CLCN1: variants seen among roughly 807,000 people sequenced by gnomAD.
The protein encoded by CLCN1 is chloride voltage-gated channel 1, also known as chloride channel protein 1.
Under a neutral mutation model 114.5 loss-of-function variants are expected in CLCN1, and 100 were observed. The ratio of observed to expected loss-of-function variants is 0.87; its 90% CI spans 0.74 to 1.03. The LOEUF (loss-of-function observed/expected upper bound fraction) is 1.03. Ranked by LOEUF, CLCN1 falls within the 50% of genes least tolerant of loss-of-function variation. The pLI is 0.00. For synonymous variants in CLCN1, 485 were observed against 487.1 expected (o/e 1.00, Z 0.06); for missense variants, 1,188 against 1,250.0 (o/e 0.95, Z 0.75).
rs1487003752 is a variant in CLCN1, at chr7:143,346,914, T to A, written c.2368T>A (p.Ser790Thr). The A allele has an allele frequency of 1.2e-6, 2 of 1,613,744 alleles. No individual in the cohort carries two copies. The highest frequency in any genetic ancestry group is 8.5e-7 in the Non-Finnish European group (1 of 1,179,658). ...GACCTATGTCTTTCTTCTCTAGGAT[T>A]CCACAGATTTAGTGGATAACATGTC... ...RPTKKKTTQD[S>T]TDLVDNMSPE... Residue 790 changes from serine (S) to threonine (T), a missense_variant, in exon 20 of 23, where the codon TCC (serine) becomes ACC (threonine). Ser to Thr is a moderately conservative substitution (Grantham distance 58). Coordinates refer to ENST00000343257, the MANE Select transcript of CLCN1 (RefSeq NM_000083.3).
intron 16 of CLCN1, among the ~76,000 whole-genome samples, chr7:143,343,005 A>T (rs1055722517): frequency 6.6e-6 from 1 of 152,194 alleles, no homozygotes; most frequent in Admixed American, 6.6e-5. Flanking sequence ...TTAAGTATGA[A>T]GTTCAAATAC....
intron 12 of CLCN1, among the ~76,000 whole-genome samples, chr7:143,333,089 A>G (rs1044107923): frequency 6.6e-6 from 1 of 152,176 alleles, no homozygotes; most frequent in African/African-American, 2.4e-5. Flanking sequence ...ACTTGATGCC[A>G]GGAGTTGGAG....
chr7:143,328,245 G>A (rs949554203), intron 7 of CLCN1, among the ~76,000 whole-genome samples: 9 of 151,840 alleles, frequency 5.9e-5, no homozygotes, highest in African/African-American at 2.2e-4. Context: ...GTTGTGGCAT[G>A]AGCATACATG....
At chr7:143,317,991 G>C (rs779151465) in intron 1 of CLCN1, among the ~76,000 whole-genome samples, 14 of 152,104 alleles carry the variant, frequency 9.2e-5, no homozygotes, top group Non-Finnish European at 1.9e-4. Flanking sequence ...TGGTTAGTTT[G>C]GGGAGTAGAA....
In CLCN1 at chr7:143,324,533, G is replaced by C. The variant is rs759792663; in HGVS notation, c.853+41G>C. On this transcript the variant is annotated intron_variant, in intron 7 of 22. Coordinates refer to ENST00000343257, the MANE Select transcript of CLCN1 (RefSeq NM_000083.3). The surrounding 1 kb of genome is among the most constrained non-coding windows in gnomAD (Gnocchi z 4.6). ...CCTCCCCCATCAATCGGCTTGCCTG[G>C]CCTGGCTCCCAAAACAGTTTTAATC... The C allele has an allele frequency of 1.3e-6, 2 of 1,488,144 alleles. No homozygotes were observed. Among genetic ancestry groups the C allele is most frequent in the Admixed American group, 3.3e-5 (2 of 59,792 alleles). The allele number at this position is 1,488,144 out of a possible 1,614,324, so 92.2% of individuals were successfully genotyped here.
Position 143,342,161 on chromosome 7 carries a change from A to C in CLCN1, c.1796+19A>C. On this transcript the variant is annotated intron_variant, in intron 15 of 22. Transcript: ENST00000343257. ...AGCTCAGGTCAGGGGCACTAGACGG[A>C]ATTAGTTCAGATCTGATGGGGAGAG... The C allele has an allele frequency of 1.9e-6, 3 of 1,609,942 alleles. No individual in the cohort carries two copies. Among genetic ancestry groups the C allele is most frequent in the Non-Finnish European group, 2.6e-6 (3 of 1,176,438 alleles).
chr7:143,328,804 C>T (rs1175280389), intron 7 of CLCN1, among the ~76,000 whole-genome samples: 3 of 152,048 alleles, frequency 2.0e-5, no homozygotes, highest in Non-Finnish European at 2.9e-5. Flanking sequence ...CCCCACATTG[C>T]CCATTGCCTT....
chr7:143,346,530 G>T (rs200244887), intron 18 of CLCN1, 49 bp from the exon 19 acceptor site: 1 of 1,465,962 alleles, frequency 6.8e-7, no homozygotes, highest in Admixed American at 1.7e-5. Context: ...GCCCCTGGCC[G>T]TTTCCTGTTG....
rs149557003 is a variant in CLCN1, at chr7:143,351,147, C to T, written c.2596-447C>T. The stretch of plus-strand genomic sequence containing the variant: ...CAGCCAGCTGAGGTAGAGGAGACTA[C>T]GAAGCCTGTTATGGCCACAGCCCTG... On this transcript the variant is annotated intron_variant, in intron 22 of 22. Transcript: ENST00000343257. 2.3e-3 allele frequency among the ~76,000 whole-genome samples: 347 copies of T among 152,254 alleles called. 2 individuals are homozygous for T. The highest frequency in any genetic ancestry group is 7.9e-3 in the African/African-American group (329 of 41,540).
chr7:143,350,718 G>T lies in CLCN1; in HGVS notation c.2595+64G>T. 1 of 1,153,750 alleles carries T rather than the reference G, an allele frequency of 8.7e-7. No individual in the cohort carries two copies. Among genetic ancestry groups the T allele is most frequent in the East Asian group, 2.3e-5 (1 of 42,692 alleles). 71.5% of individuals were successfully genotyped at this position (1,153,750 alleles called of 1,614,324 possible). A position where few individuals can be genotyped will look rare whatever the true frequency, so the allele number is the denominator to read the frequency against. On this transcript the variant is annotated intron_variant, in intron 22 of 22. Coordinates refer to ENST00000343257, the MANE Select transcript of CLCN1 (RefSeq NM_000083.3). The surrounding 1 kb of genome is among the most constrained non-coding windows in gnomAD (Gnocchi z 5.1). The stretch of plus-strand genomic sequence containing the variant: ...GCTGGGCATAGGATAAGGGGATGCA[G>T]TGGGGACAGAAGGAATATTAGCATC...
chr7:143,321,417 G>T lies in CLCN1; in HGVS notation c.486G>T (p.Leu162=). The T allele has an allele frequency of 6.2e-7, 1 of 1,614,188 alleles. No individual in the cohort carries two copies. The highest frequency in any genetic ancestry group is 8.5e-7 in the Non-Finnish European group (1 of 1,180,042). The stretch of plus-strand genomic sequence containing the variant: ...AGCCCAGCCTTCCTCTGCAGTTCCT[G>T]GTCTGGGTCACCTTCCCACTAGTCC... ...QMQPSLPLQF[L]VWVTFPLVLI... is the part of the protein sequence containing the mutation. The change falls in exon 4 of 23, where the codon CTG becomes CTT. Residue 162 remains leucine (L), a synonymous_variant. Transcript: ENST00000343257. This position sits in a 1 kb window ranked among gnomAD's most constrained non-coding sequence, Gnocchi z 4.2.
Position 143,316,204 on chromosome 7 carries a change from G to C in CLCN1, c.-9G>C, listed in dbSNP as rs767653054. ...GCCAAGGCCTGGCCGGGGCTCGGGGGGAGGGAATATGGAGCAATCCCGGTC... is the reference window on the plus strand; with the variant it reads ...GCCAAGGCCTGGCCGGGGCTCGGGGCGAGGGAATATGGAGCAATCCCGGTC... On this transcript the variant is annotated 5_prime_UTR_variant, in exon 1 of 23. Coordinates refer to ENST00000343257, the MANE Select transcript of CLCN1 (RefSeq NM_000083.3). 81 of 1,610,118 alleles carry C rather than the reference G, an allele frequency of 5.0e-5. No individual in the cohort carries two copies. In the African/African-American group the frequency reaches 1.0e-3, roughly 20 times the overall value.
intron 1 of CLCN1, among the ~76,000 whole-genome samples, chr7:143,318,495 T>C (rs1210309957): frequency 6.6e-6 from 1 of 152,154 alleles, no homozygotes; most frequent in Non-Finnish European, 1.5e-5. Flanking sequence ...AGTGCTGGGG[T>C]TACAGGGGTG....
intron 16 of CLCN1, among the ~76,000 whole-genome samples, chr7:143,344,023 A>G (rs554662102): frequency 1.6e-4 from 24 of 152,132 alleles, no homozygotes; most frequent in Non-Finnish European, 2.1e-4. Flanking sequence ...TATTTTTAGT[A>G]GAGACGGGGT....
Position 143,318,411 on chromosome 7 carries a change from C to A in CLCN1, c.181-1344C>A, listed in dbSNP as rs559972375. 5.9e-5 allele frequency among the ~76,000 whole-genome samples: 9 copies of A among 152,178 alleles called. No homozygotes were observed. In the South Asian group the frequency reaches 1.9e-3, roughly 32 times the overall value. ...CTAATTTTTGTATTTTTAGTAGAGACGAGGTTTCTCCATGTTGGTCAGGCT... is the reference window on the plus strand; with the variant it reads ...CTAATTTTTGTATTTTTAGTAGAGAAGAGGTTTCTCCATGTTGGTCAGGCT... On this transcript the variant is annotated intron_variant, in intron 1 of 22. Coordinates refer to ENST00000343257, the MANE Select transcript of CLCN1 (RefSeq NM_000083.3).
chr7:143,320,000 T>A, intron 2 of CLCN1, 125 bp downstream of exon 2: 1 of 1,010,728 alleles, frequency 9.9e-7, no homozygotes, highest in Non-Finnish European at 1.5e-6. Flanking sequence ...CCTCTAATTG[T>A]TTTTAAGAGA....
chr7:143,346,825 G>A, intron 19 of CLCN1, 86 bp from the exon 20 acceptor site: 1 of 1,366,832 alleles, frequency 7.3e-7, no homozygotes. Flanking sequence ...TCCTGGCCAG[G>A]GAGGGATGGC....
Position 143,342,477 on chromosome 7 carries a change from C to G in CLCN1, c.1902C>G (p.Val634=), listed in dbSNP as rs760125136. ...ELRTLLQTTT[V]KTLPLVDSKD... The stretch of plus-strand genomic sequence containing the variant: ...GAACCCTGCTCCAGACCACCACAGT[C>G]AAGACTTTACCACTGGTTGACTCAA... Residue 634 remains valine (V), a synonymous_variant, in exon 16 of 23, where the codon GTC becomes GTG. Transcript: ENST00000343257. 2.5e-6 allele frequency: 4 copies of G among 1,614,100 alleles called. No homozygotes were observed. The highest frequency in any genetic ancestry group is 3.4e-6 in the Non-Finnish European group (4 of 1,180,024).
chr7:143,330,822 T>C lies in CLCN1; in HGVS notation c.904T>C (p.Tyr302His). ...CTCCACCTACTTTGCTGTTCGGAACTACTGGAGAGGATTCTTTGCAGCCAC... is the reference window on the plus strand; with the variant it reads ...CTCCACCTACTTTGCTGTTCGGAACCACTGGAGAGGATTCTTTGCAGCCAC... ...VTSTYFAVRN[Y>H]WRGFFAATFS... The change falls in exon 8 of 23, where the codon TAC (tyrosine) becomes CAC (histidine). Residue 302 changes from tyrosine (Y) to histidine (H), a missense_variant. By Grantham distance (83) the Tyr-to-His change is moderately conservative (BLOSUM62 2). Transcript: ENST00000343257. 1 of 1,614,214 alleles carries C rather than the reference T, an allele frequency of 6.2e-7. No individual in the cohort carries two copies. The highest frequency in any genetic ancestry group is 8.5e-7 in the Non-Finnish European group (1 of 1,180,044).
Sources: gnomAD v4.1 joint callset for allele counts (sites outside exome capture counted in the v4.1 genomes callset) on GRCh38, gnomAD v4.1.1 for gene constraint, Gnocchi (gnomAD v3.1) non-coding constraint, MANE v1.5 for transcripts, NCBI Gene and HGNC (gene_info 2026-07-23, HGNC 2026-07-21) for gene names.